The following INPP4B variants were observed in gnomAD, a reference collection of about 807,000 sequenced individuals.
INPP4B encodes the protein inositol polyphosphate 4-phosphatase type II.
Under a neutral mutation model 122.5 loss-of-function variants are expected in INPP4B, and 55 were observed. That is an observed-to-expected ratio of 0.45 (90% CI 0.36 to 0.56). INPP4B has a LOEUF of 0.56. Ranked by LOEUF, INPP4B falls within the 20% of genes least tolerant of loss-of-function variation. INPP4B has a pLI of 0.00. For synonymous variants in INPP4B, 403 were observed against 388.7 expected (o/e 1.04, Z -0.43); for missense variants, 1,000 against 1,097.7 (o/e 0.91, Z 1.26).
intron 1 of INPP4B, among the ~76,000 whole-genome samples, chr4:142,845,580 C>A (rs1009796993): frequency 6.6e-6 from 1 of 152,126 alleles, no homozygotes; most frequent in Non-Finnish European, 1.5e-5. Flanking sequence ...GGCTTCTCTG[C>A]CAGAATGAGT....
chr4:142,316,678 G>C (rs1057134354), intron 7 of INPP4B, among the ~76,000 whole-genome samples: 24 of 151,966 alleles, frequency 1.6e-4, no homozygotes, highest in African/African-American at 5.6e-4. Context: ...GTCAGAAATT[G>C]GTAAGATGGT....
chr4:142,846,325 T>C (rs1784198271), upstream of INPP4B: 1 of 152,252 alleles, frequency 6.6e-6, no homozygotes, highest in East Asian at 2.0e-4. The surrounding 1 kb of genome is among the most constrained non-coding windows in gnomAD (Gnocchi z 5.1). Context: ...TGTAACCTGC[T>C]ATTTATAGAC....
intron 2 of INPP4B, among the ~76,000 whole-genome samples, chr4:142,666,437 C>T (rs1420634440): frequency 2.6e-5 from 4 of 151,912 alleles, no homozygotes; most frequent in Non-Finnish European, 4.4e-5. Context: ...GTCATTTTCA[C>T]AAAGGCAAAG....
At chr4:142,683,034 GC>G (rs1165568410) in intron 2 of INPP4B, among the ~76,000 whole-genome samples, 1 of 151,818 alleles carries the variant, frequency 6.6e-6, no homozygotes, top group Non-Finnish European at 1.5e-5. Flanking sequence ...TCCTAGATAA[GC>G]AAAGTTTAGC....
chr4:142,803,973 C>G (rs915187960), intron 1 of INPP4B, among the ~76,000 whole-genome samples: 2 of 151,772 alleles, frequency 1.3e-5, no homozygotes, highest in South Asian at 2.1e-4. Context: ...GCAGGAGAAT[C>G]GCTTGAACCC....
chr4:142,542,558 CAAT>C (rs1829060367), intron 2 of INPP4B, among the ~76,000 whole-genome samples: 1 of 152,130 alleles, frequency 6.6e-6, no homozygotes, highest in Non-Finnish European at 1.5e-5. Context: ...ACACATGAAG[CAAT>C]TGCTTAGAAT....
Position 142,431,277 on chromosome 4 carries a change from T to G in INPP4B, c.-18A>C, listed in dbSNP as rs762107443. On this transcript the variant is annotated 5_prime_UTR_variant, in exon 4 of 26. Coordinates refer to ENST00000262992, the MANE Select transcript of INPP4B (RefSeq NM_001101669.3). ...ATTTCCATGATCAACCTTCACAGTT[T>G]TAAAATTTTCCAAATTTTCTTGTCC... 6.8e-6 allele frequency: 11 copies of G among 1,607,272 alleles called. No individual in the cohort carries two copies. Among genetic ancestry groups the G allele is most frequent in the Non-Finnish European group, 9.4e-6 (11 of 1,174,378 alleles).
chr4:142,458,499 T>C (rs1815991240), intron 3 of INPP4B, among the ~76,000 whole-genome samples: 1 of 151,972 alleles, frequency 6.6e-6, no homozygotes, highest in Non-Finnish European at 1.5e-5. Context: ...TTATTTATTT[T>C]AATTATATTT....
intron 2 of INPP4B, among the ~76,000 whole-genome samples, chr4:142,543,554 T>C (rs900421242): frequency 6.6e-6 from 1 of 152,172 alleles, no homozygotes; most frequent in African/African-American, 2.4e-5. Context: ...GTAATATAAG[T>C]GGTTTTTTCT....
At position 142,367,562 on chromosome 4, in the gene INPP4B, T is replaced by C. The variant is rs544209254; in HGVS notation, c.372+35376A>G. Among the ~76,000 whole-genome samples, 3 of 152,230 alleles carry C rather than the reference T, an allele frequency of 2.0e-5. No individual in the cohort carries two copies. In the East Asian group the frequency reaches 5.8e-4, roughly 29 times the overall value. On this transcript the variant is annotated intron_variant, in intron 7 of 25. Transcript: ENST00000262992. Reference sequence around the variant, plus strand: ...GAGGAAACTGAAGCTTTAGTAATGTTAATGAATTTGCCCAGGGTCACAGGT... The same window carrying C: ...GAGGAAACTGAAGCTTTAGTAATGTCAATGAATTTGCCCAGGGTCACAGGT...
At chr4:142,779,887 T>C (rs918036722) in intron 1 of INPP4B, among the ~76,000 whole-genome samples, 5 of 152,064 alleles carry the variant, frequency 3.3e-5, no homozygotes, top group African/African-American at 4.8e-5. Flanking sequence ...TAGTTAAACC[T>C]GTGTGGTTGA....
intron 1 of INPP4B, among the ~76,000 whole-genome samples, chr4:142,841,063 A>G (rs1020734050): frequency 5.3e-5 from 8 of 152,188 alleles, no homozygotes; most frequent in African/African-American, 1.9e-4. Flanking sequence ...GTGATTTTTA[A>G]CTACTGCGCA....
At chr4:142,316,364 C>T (rs1767659483) in intron 7 of INPP4B, among the ~76,000 whole-genome samples, 2 of 152,136 alleles carry the variant, frequency 1.3e-5, no homozygotes, top group African/African-American at 4.8e-5. Flanking sequence ...ATCAGCTGGC[C>T]TCAAAGGACA....
At chr4:142,290,974 T>G (rs979111174) in intron 9 of INPP4B, among the ~76,000 whole-genome samples, 2 of 152,176 alleles carry the variant, frequency 1.3e-5, no homozygotes, top group Non-Finnish European at 2.9e-5. Context: ...CATATTATTA[T>G]TATTTTTAAA....
At chr4:142,318,272 G>A (rs1012592917) in intron 7 of INPP4B, among the ~76,000 whole-genome samples, 1 of 152,016 alleles carries the variant, frequency 6.6e-6, no homozygotes, top group African/African-American at 2.4e-5. Flanking sequence ...AAGAAGGAGT[G>A]GAAGGCAGAG....
chr4:142,607,215 TAATTA>T (rs1173211117), intron 2 of INPP4B, among the ~76,000 whole-genome samples: 3 of 152,080 alleles, frequency 2.0e-5, no homozygotes, highest in African/African-American at 4.8e-5. Context: ...AGATATTCAA[TAATTA>T]AATTAATCAT....
At chr4:142,072,360 T>G (rs1217667055) in intron 25 of INPP4B, among the ~76,000 whole-genome samples, 1 of 151,940 alleles carries the variant, frequency 6.6e-6, no homozygotes, top group African/African-American at 2.4e-5. Flanking sequence ...GTGGGAGGGA[T>G]AGCCTTAGGA....
At chr4:142,400,227 A>C (rs1801159337) in intron 7 of INPP4B, among the ~76,000 whole-genome samples, 1 of 152,212 alleles carries the variant, frequency 6.6e-6, no homozygotes, top group Admixed American at 6.5e-5. Context: ...AAACACAAGC[A>C]ATTTAGTCAT....
At chr4:142,388,013 C>A (rs1042219726) in intron 7 of INPP4B, among the ~76,000 whole-genome samples, 4 of 152,190 alleles carry the variant, frequency 2.6e-5, no homozygotes, top group East Asian at 1.9e-4. Context: ...TCTGTGCGAC[C>A]TTTATTATTT....
Sources: allele counts gnomAD v4.1 joint callset (sites outside exome capture counted in the v4.1 genomes callset), GRCh38; gene constraint gnomAD v4.1.1; non-coding constraint Gnocchi (gnomAD v3.1); transcripts MANE v1.5; gene names NCBI Gene and HGNC (gene_info 2026-07-23, HGNC 2026-07-21).